The following CDYL variants were observed in gnomAD, a reference collection of about 807,000 sequenced individuals.
CDYL encodes the protein chromodomain Y like, also known as chromodomain Y-like protein.
A neutral mutation model predicts 47.3 loss-of-function variants in CDYL; 8 were observed. The ratio of observed to expected loss-of-function variants is 0.17; its 90% confidence interval spans 0.10 to 0.31. The LOEUF (loss-of-function observed/expected upper bound fraction) is 0.31, where lower values mean the gene tolerates loss of function less well. Ranked by LOEUF, CDYL falls within the 10% of genes least tolerant of loss-of-function variation. The probability of loss-of-function intolerance (pLI) is 1.00; values close to 1 mark genes in which losing one functional copy is unlikely to be tolerated. For synonymous variants in CDYL, 266 were observed against 265.0 expected, an observed-to-expected ratio of 1.00 and a Z score of -0.04; for missense variants, 471 against 701.4, an observed-to-expected ratio of 0.67 and a Z score of 3.71.
intron 3 of CDYL, among the ~76,000 whole-genome samples, chr6:4,756,980 G>T (rs781256055): frequency 3.3e-5 from 5 of 152,134 alleles, no homozygotes; most frequent in Non-Finnish European, 7.4e-5. Context: ...AACTATTGTG[G>T]TTATTTGATG....
intron 3 of CDYL, among the ~76,000 whole-genome samples, chr6:4,735,295 A>T (rs1423154965): frequency 6.6e-6 from 1 of 151,976 alleles, no homozygotes; most frequent in Non-Finnish European, 1.5e-5. Flanking sequence ...TGTCTCAAAA[A>T]AAAGAAAAAA....
At chr6:4,895,715 A>G (rs541946111) in intron 2 of CDYL, among the ~76,000 whole-genome samples, 3 of 152,126 alleles carry the variant, frequency 2.0e-5, no homozygotes, top group Non-Finnish European at 4.4e-5. Context: ...TAGTTCTTTC[A>G]AAATGAACTG....
At chr6:4,779,485 G>A (rs1475736862) in intron 1 of CDYL, among the ~76,000 whole-genome samples, 1 of 152,136 alleles carries the variant, frequency 6.6e-6, no homozygotes, top group African/African-American at 2.4e-5. Context: ...CATGGAACCT[G>A]GTATGTAGTA....
chr6:4,935,243 TCTAA>T (rs1758154340), intron 2 of CDYL, among the ~76,000 whole-genome samples: 1 of 152,240 alleles, frequency 6.6e-6, no homozygotes, highest in African/African-American at 2.4e-5. Flanking sequence ...TAAAAAAATC[TCTAA>T]CTATGTAGCT....
chr6:4,797,031 A>G (rs1349133962), intron 1 of CDYL, among the ~76,000 whole-genome samples: 1 of 152,108 alleles, frequency 6.6e-6, no homozygotes, highest in African/African-American at 2.4e-5. Context: ...TGTTATTTTG[A>G]TTAAATTATT....
At chr6:4,914,545 C>T (rs1400884209) in intron 2 of CDYL, among the ~76,000 whole-genome samples, 3 of 152,208 alleles carry the variant, frequency 2.0e-5, no homozygotes, top group Admixed American at 6.5e-5. Flanking sequence ...CTCATCTTTC[C>T]TCAGATTGCA....
In CDYL at chr6:4,892,222, A is replaced by G; in HGVS notation, c.534A>G (p.Ala178=). The part of the protein sequence containing the change: ...PVEQGQEDTV[A]PEVAAEKPVG... ...AGCAGGGTCAGGAGGACACAGTGGC[A>G]CCCGAAGTGGCAGCGGAAAAGCCGG... Residue 178 remains alanine, a synonymous_variant, in exon 2 of 7, where the codon GCA becomes GCG. Coordinates refer to ENST00000397588, the MANE Select transcript of CDYL (RefSeq NM_004824.4). 6.2e-7 allele frequency: 1 copy of G among 1,614,222 alleles called. No homozygotes were observed. The highest frequency in any genetic ancestry group is 8.5e-7 in the Non-Finnish European group (1 of 1,180,042).
chr6:4,891,706 T>C lies in CDYL; in HGVS notation c.25-7T>C, dbSNP rs1762047150. ...TTTTAAAACTATTTTTTTCCTTTTA[T>C]GAACAGGTTGAAAGGATTGTTGACA... On this transcript the variant is annotated splice_polypyrimidine_tract_variant and splice_region_variant and intron_variant, in intron 1 of 6. Transcript: ENST00000397588. 6.3e-7 allele frequency: 1 copy of C among 1,589,678 alleles called. No homozygotes were observed. Among genetic ancestry groups the C allele is most frequent in the Non-Finnish European group, 8.6e-7 (1 of 1,169,146 alleles).
chr6:4,935,186 G>T (rs940018660), intron 2 of CDYL, among the ~76,000 whole-genome samples: 2 of 152,108 alleles, frequency 1.3e-5, no homozygotes, highest in African/African-American at 4.8e-5. Context: ...TCTCAAACCT[G>T]GAATAGATAC....
intron 1 of CDYL, among the ~76,000 whole-genome samples, chr6:4,814,063 G>A (rs1052257295): frequency 6.6e-6 from 1 of 151,770 alleles, no homozygotes; most frequent in African/African-American, 2.4e-5. Context: ...TACAGGATAA[G>A]CCACTGCACC....
intron 2 of CDYL, among the ~76,000 whole-genome samples, chr6:4,724,234 A>C (rs1757440054): frequency 6.6e-6 from 1 of 151,622 alleles, no homozygotes; most frequent in African/African-American, 2.4e-5. Context: ...TTTTAAGTAG[A>C]GACAGGGTTT....
At chr6:4,919,844 C>T (rs933638091) in intron 2 of CDYL, among the ~76,000 whole-genome samples, 7 of 152,170 alleles carry the variant, frequency 4.6e-5, no homozygotes, top group African/African-American at 1.4e-4. Context: ...CATGATGCAG[C>T]GGTTCTATTT....
chr6:4,725,242 G>A (rs1432323552), intron 2 of CDYL, among the ~76,000 whole-genome samples: 1 of 152,240 alleles, frequency 6.6e-6, no homozygotes, highest in African/African-American at 2.4e-5. Flanking sequence ...GTCCCCACCA[G>A]AATCAGGAGC....
chr6:4,727,673 T>C (rs1219738680), intron 2 of CDYL, among the ~76,000 whole-genome samples: 1 of 142,746 alleles, frequency 7.0e-6, no homozygotes, highest in Admixed American at 7.7e-5. Context: ...CCTGAGTAGA[T>C]ATGGATTCTG....
chr6:4,745,165 G>T (rs1757867127), intron 3 of CDYL, among the ~76,000 whole-genome samples: 2 of 152,080 alleles, frequency 1.3e-5, no homozygotes, highest in African/African-American at 4.8e-5. Context: ...TCACTATGTG[G>T]CTCAGGCTGG....
intron 1 of CDYL, among the ~76,000 whole-genome samples, chr6:4,802,221 C>G (rs1759245715): frequency 6.7e-6 from 1 of 149,838 alleles, no homozygotes; most frequent in Non-Finnish European, 1.5e-5. Context: ...TTTGCAAATA[C>G]TACCTTTAGA....
chr6:4,856,493 C>T (rs369827604), intron 1 of CDYL, among the ~76,000 whole-genome samples: 1 of 152,146 alleles, frequency 6.6e-6, no homozygotes, highest in East Asian at 1.9e-4. Flanking sequence ...CCACACATGT[C>T]CATGGGACCT....
intron 1 of CDYL, among the ~76,000 whole-genome samples, chr6:4,823,114 G>C (rs185205135): frequency 2.0e-5 from 3 of 152,172 alleles, no homozygotes; most frequent in African/African-American, 2.4e-5. Context: ...TTTTGAGTTG[G>C]CTTCCATATA....
intron 1 of CDYL, among the ~76,000 whole-genome samples, chr6:4,854,371 T>C (rs1760943208): frequency 6.6e-6 from 1 of 152,216 alleles, no homozygotes; most frequent in Admixed American, 6.5e-5. Context: ...ATACTAGTCA[T>C]GTATTTACCC....
Sources: allele counts gnomAD v4.1 joint callset (sites outside exome capture counted in the v4.1 genomes callset), GRCh38; gene constraint gnomAD v4.1.1; transcripts MANE v1.5; gene names NCBI Gene and HGNC (gene_info 2026-07-23, HGNC 2026-07-21).